Variants in PTCHD4 observed in about 807,000 individuals in gnomAD.
The protein encoded by PTCHD4 is patched domain containing 4.
A neutral mutation model predicts 58.1 loss-of-function variants in PTCHD4; 33 were observed. The ratio of observed to expected loss-of-function variants is 0.57; its 90% CI spans 0.43 to 0.76. The LOEUF (loss-of-function observed/expected upper bound fraction) is 0.76. Ranked by LOEUF, PTCHD4 falls within the 30% of genes least tolerant of loss-of-function variation. The probability of loss-of-function intolerance (pLI) is 0.00; values close to 1 mark genes in which losing one functional copy is unlikely to be tolerated. For synonymous variants in PTCHD4, 478 were observed against 409.6 expected, an observed-to-expected ratio of 1.17 and a Z score of -2.02; for missense variants, 1,058 against 1,027.1, an observed-to-expected ratio of 1.03 and a Z score of -0.41.
At chr6:48,045,680 G>A (rs1003918656) in intron 3 of PTCHD4, among the ~76,000 whole-genome samples, 1 of 151,708 alleles carries the variant, frequency 6.6e-6, no homozygotes, top group African/African-American at 2.4e-5. Flanking sequence ...GAAAGCAAAG[G>A]CTTGGAGATA....
At chr6:48,033,993 C>A (rs1471133941) in intron 3 of PTCHD4, among the ~76,000 whole-genome samples, 1 of 152,046 alleles carries the variant, frequency 6.6e-6, no homozygotes, top group Non-Finnish European at 1.5e-5. Context: ...ATGAGCAGGG[C>A]AGTCCAGAGC....
chr6:48,027,732 G>T (rs1018495283), intron 3 of PTCHD4, among the ~76,000 whole-genome samples: 5 of 152,036 alleles, frequency 3.3e-5, no homozygotes, highest in African/African-American at 1.2e-4. Context: ...GTACTATGAA[G>T]AAGTGTATGA....
At chr6:48,044,989 A>G (rs1340881176) in intron 3 of PTCHD4, among the ~76,000 whole-genome samples, 4 of 151,748 alleles carry the variant, frequency 2.6e-5, no homozygotes, top group Non-Finnish European at 5.9e-5. Context: ...CACATTACAG[A>G]ATATGCCCCA....
chr6:48,025,154 T>C (rs914504786), intron 3 of PTCHD4, among the ~76,000 whole-genome samples: 2 of 152,194 alleles, frequency 1.3e-5, no homozygotes, highest in African/African-American at 4.8e-5. Context: ...CACTGATGTT[T>C]GCTCAAGAAT....
intron 4 of PTCHD4, among the ~76,000 whole-genome samples, chr6:47,904,191 A>G (rs1292929949): frequency 1.3e-5 from 2 of 152,224 alleles, no homozygotes; most frequent in Non-Finnish European, 2.9e-5. Context: ...GCCATTAGAT[A>G]AGATCACCTT....
chr6:47,947,967 CT>C (rs1472291759), intron 4 of PTCHD4, among the ~76,000 whole-genome samples: 4 of 152,068 alleles, frequency 2.6e-5, no homozygotes, highest in African/African-American at 9.7e-5. Context: ...ATTTATATTT[CT>C]TTGTTTCAAA....
At chr6:47,986,381 C>G (rs919931154) in intron 4 of PTCHD4, among the ~76,000 whole-genome samples, 4 of 152,124 alleles carry the variant, frequency 2.6e-5, no homozygotes, top group African/African-American at 9.7e-5. Flanking sequence ...ATTACATCTT[C>G]ATTGTTAGTT....
rs114100095 is a variant in PTCHD4, at chr6:48,065,428, A to G, written c.417+2802T>C. ...GAATTTGAGGGCTAAAAAAATACAT[A>G]TAAAAATTTTCCTCAAATCTTGTAC... On this transcript the variant is annotated intron_variant, in intron 3 of 4. Transcript: ENST00000339488. 2.8e-3 allele frequency among the ~76,000 whole-genome samples: 426 copies of G among 152,350 alleles called. 1 individual carries two copies. Among genetic ancestry groups the G allele is most frequent in the African/African-American group, 9.6e-3 (398 of 41,586 alleles).
chr6:47,993,322 T>C (rs984252071), intron 4 of PTCHD4, among the ~76,000 whole-genome samples: 1 of 152,190 alleles, frequency 6.6e-6, no homozygotes, highest in African/African-American at 2.4e-5. Flanking sequence ...TAGAAGAATT[T>C]TCTTCAGGCT....
At chr6:48,036,426 A>T (rs1320078352) in intron 3 of PTCHD4, among the ~76,000 whole-genome samples, 1 of 152,118 alleles carries the variant, frequency 6.6e-6, no homozygotes, top group Non-Finnish European at 1.5e-5. Context: ...TCCAGGAATA[A>T]CTAATTCATA....
intron 4 of PTCHD4, among the ~76,000 whole-genome samples, chr6:47,896,925 C>T (rs905227187): frequency 1.3e-5 from 2 of 152,176 alleles, no homozygotes; most frequent in African/African-American, 4.8e-5. Flanking sequence ...GACTGATCTC[C>T]TTGAGGATCA....
intron 3 of PTCHD4, among the ~76,000 whole-genome samples, chr6:48,053,799 A>T (rs1025662973): frequency 6.6e-6 from 1 of 152,120 alleles, no homozygotes; most frequent in African/African-American, 2.4e-5. Context: ...ACAGGAAAGG[A>T]TAAAGTTGTT....
At chr6:48,042,524 C>T (rs556479078) in intron 3 of PTCHD4, among the ~76,000 whole-genome samples, 9 of 151,934 alleles carry the variant, frequency 5.9e-5, no homozygotes, top group African/African-American at 9.6e-5. Flanking sequence ...TCCCCTGCTC[C>T]CAATAAAATA....
At chr6:47,957,261 AAT>A (rs1345761107) in intron 4 of PTCHD4, among the ~76,000 whole-genome samples, 1 of 147,978 alleles carries the variant, frequency 6.8e-6, no homozygotes, top group African/African-American at 2.5e-5. Flanking sequence ...ATATATATAT[AAT>A]ATATATATTA....
At chr6:48,004,163 A>G (rs1768855834) in intron 4 of PTCHD4, among the ~76,000 whole-genome samples, 1 of 152,192 alleles carries the variant, frequency 6.6e-6, no homozygotes. Flanking sequence ...TTTCTTGAAC[A>G]TAGTAGATGC....
chr6:48,089,164 G>A (rs1307962088), intron 1 of PTCHD4, among the ~76,000 whole-genome samples: 1 of 152,184 alleles, frequency 6.6e-6, no homozygotes, highest in Non-Finnish European at 1.5e-5. Context: ...AGCAGCAAGG[G>A]CAGAAATTTC....
chr6:48,107,119 C>T (rs1765747725), intron 1 of PTCHD4, among the ~76,000 whole-genome samples: 1 of 151,926 alleles, frequency 6.6e-6, no homozygotes. Context: ...TCATATGGAA[C>T]CAAAAAAGAG....
At chr6:47,945,273 G>C (rs1766373134) in intron 4 of PTCHD4, among the ~76,000 whole-genome samples, 1 of 152,086 alleles carries the variant, frequency 6.6e-6, no homozygotes, top group South Asian at 2.1e-4. Context: ...TTCCAGAACA[G>C]AGTAGAATTC....
At chr6:48,021,547 C>A (rs1214252047) in intron 3 of PTCHD4, among the ~76,000 whole-genome samples, 1 of 152,074 alleles carries the variant, frequency 6.6e-6, no homozygotes, top group Non-Finnish European at 1.5e-5. Context: ...TTTGACCAAC[C>A]AAACAATAAT....
Sources: gnomAD v4.1 joint callset for allele counts (sites outside exome capture counted in the v4.1 genomes callset) on GRCh38, gnomAD v4.1.1 for gene constraint, MANE v1.5 for transcripts, NCBI Gene and HGNC (gene_info 2026-07-23, HGNC 2026-07-21) for gene names.